The following ASIC2 variants were observed in gnomAD, a reference collection of about 807,000 sequenced individuals.
ASIC2 encodes the protein acid-sensing ion channel 2.
Under a neutral mutation model 57.3 loss-of-function variants are expected in ASIC2, and 25 were observed. That is an observed-to-expected ratio of 0.44 (90% CI 0.32 to 0.61). The LOEUF is 0.61. Among genes scored for constraint, ASIC2 ranks in the 20% least tolerant of loss-of-function variants. ASIC2 has a pLI of 0.06. For missense variants in ASIC2, 641 were observed against 738.1 expected (o/e 0.87, Z 1.52); for synonymous variants, 319 against 307.5 (o/e 1.04, Z -0.39).
intron 1 of ASIC2, among the ~76,000 whole-genome samples, chr17:33,307,143 C>A (rs530888675): frequency 3.3e-5 from 5 of 152,290 alleles, no homozygotes; most frequent in Middle Eastern, 3.4e-3. Context: ...GCTTTCCCAA[C>A]TTAAATCCAC....
intron 1 of ASIC2, among the ~76,000 whole-genome samples, chr17:34,121,774 T>A (rs1911627405): frequency 6.6e-6 from 1 of 152,236 alleles, no homozygotes; most frequent in Admixed American, 6.5e-5. Flanking sequence ...CCCAGCCTAC[T>A]AAAATACTCC....
intron 1 of ASIC2, among the ~76,000 whole-genome samples, chr17:33,492,398 G>C (rs899681229): frequency 6.6e-6 from 1 of 152,192 alleles, no homozygotes; most frequent in African/African-American, 2.4e-5. Context: ...TGAGCTCCAC[G>C]TCATGGAGAT....
intron 1 of ASIC2, among the ~76,000 whole-genome samples, chr17:33,202,017 C>CAAA (rs55724157): frequency 6.5e-5 from 6 of 92,258 alleles, no homozygotes; most frequent in Admixed American, 1.1e-4. Flanking sequence ...GAGACTGTCT[C>CAAA]AAAAAAAAAA....
chr17:33,109,855 G>A (rs1297471733), intron 2 of ASIC2, among the ~76,000 whole-genome samples: 1 of 152,164 alleles, frequency 6.6e-6, no homozygotes, highest in African/African-American at 2.4e-5. Flanking sequence ...GGAAAGAGAA[G>A]GTTGGCCTGG....
At chr17:33,317,602 T>C (rs1906708351) in intron 1 of ASIC2, among the ~76,000 whole-genome samples, 1 of 152,174 alleles carries the variant, frequency 6.6e-6, no homozygotes, top group South Asian at 2.1e-4. Context: ...AGTCGACAGA[T>C]GTTTTTCAAG....
chr17:34,096,115 T>C (rs553327464), intron 1 of ASIC2, among the ~76,000 whole-genome samples: 101 of 152,292 alleles, frequency 6.6e-4, no homozygotes, highest in African/African-American at 1.8e-3. Context: ...CCAGTAATGA[T>C]TGTGCCTCGG....
At chr17:33,630,601 G>C (rs2142026674) in intron 1 of ASIC2, among the ~76,000 whole-genome samples, 1 of 152,300 alleles carries the variant, frequency 6.6e-6, no homozygotes, top group Admixed American at 6.5e-5. Context: ...TCAAGGTCAA[G>C]GGTTCCAAAT....
rs1491302267 is a variant in ASIC2 at position 33,187,904 on chromosome 17, TGA to T, written c.709-75839_709-75838del. On this transcript the variant is annotated intron_variant, in intron 1 of 9. Coordinates refer to ENST00000225823, the MANE Select transcript of ASIC2 (RefSeq NM_183377.2). The stretch of plus-strand genomic sequence containing the variant: ...ACAGCCAATCAAAAATGGTCAGGGA[TGA>T]AAAAAAAAAAAAGAAAAAAAGAAAA... Among the ~76,000 whole-genome samples the T allele has an allele frequency of 8.4e-5, 7 of 82,994 alleles. No individual in the cohort carries two copies. The East Asian group carries it at 2.3e-3, about 28-fold the overall frequency. 54.4% of individuals were successfully genotyped at this position (82,994 alleles called of 152,430 possible). A position where few individuals can be genotyped will look rare whatever the true frequency, so the allele number is the denominator to read the frequency against.
At chr17:33,028,693 A>T (rs914914244) in intron 3 of ASIC2, among the ~76,000 whole-genome samples, 1 of 151,938 alleles carries the variant, frequency 6.6e-6, no homozygotes, top group Admixed American at 6.6e-5. Context: ...ACCCTAACTT[A>T]TCTTTTATAA....
intron 1 of ASIC2, among the ~76,000 whole-genome samples, chr17:33,994,295 G>T (rs904375706): frequency 6.6e-6 from 1 of 152,174 alleles, no homozygotes; most frequent in Admixed American, 6.5e-5. Flanking sequence ...ATCACCAATG[G>T]ATTAGGCACA....
At chr17:33,605,759 CCTT>C (rs1339708279) in intron 1 of ASIC2, among the ~76,000 whole-genome samples, 1 of 152,182 alleles carries the variant, frequency 6.6e-6, no homozygotes, top group Non-Finnish European at 1.5e-5. Flanking sequence ...CCGCTGCAAA[CCTT>C]AGACACAGCA....
intron 1 of ASIC2, among the ~76,000 whole-genome samples, chr17:33,722,356 C>T (rs1484481183): frequency 6.6e-6 from 1 of 152,194 alleles, no homozygotes; most frequent in Non-Finnish European, 1.5e-5. Context: ...TTATAAATTA[C>T]CCAGTCTCAG....
At chr17:34,141,564 A>G (rs11868658) in intron 1 of ASIC2, among the ~76,000 whole-genome samples, 2,768 of 152,236 alleles carry the variant, frequency 0.018, 89 homozygotes, top group African/African-American at 0.063. Flanking sequence ...TAGACTGGGT[A>G]TTATTCTTTT....
chr17:33,941,576 G>T (rs900695912), intron 1 of ASIC2, among the ~76,000 whole-genome samples: 1 of 152,234 alleles, frequency 6.6e-6, no homozygotes, highest in Non-Finnish European at 1.5e-5. Flanking sequence ...AGTAGATAGA[G>T]GGAGCTGGGG....
intron 1 of ASIC2, among the ~76,000 whole-genome samples, chr17:33,513,459 T>G (rs1914483881): frequency 6.6e-6 from 1 of 152,262 alleles, no homozygotes; most frequent in South Asian, 2.1e-4. Context: ...ATTTCTTCTT[T>G]GAGCCAAGAA....
At chr17:33,174,221 A>C (rs1414927057) in intron 1 of ASIC2, among the ~76,000 whole-genome samples, 1 of 152,150 alleles carries the variant, frequency 6.6e-6, no homozygotes, top group Non-Finnish European at 1.5e-5. Context: ...CAGGAGTTTG[A>C]GACTAGCTTG....
intron 1 of ASIC2, among the ~76,000 whole-genome samples, chr17:34,113,830 G>A (rs1443583599): frequency 1.3e-5 from 2 of 152,124 alleles, no homozygotes; most frequent in African/African-American, 4.8e-5. Flanking sequence ...AGCTATGATT[G>A]GGCCACTGCC....
chr17:33,977,036 G>A (rs1484528823), intron 1 of ASIC2, among the ~76,000 whole-genome samples: 3 of 152,028 alleles, frequency 2.0e-5, no homozygotes, highest in African/African-American at 7.3e-5. Context: ...CAGGCAGCTG[G>A]CCCCTGGTAT....
intron 1 of ASIC2, among the ~76,000 whole-genome samples, chr17:33,431,115 T>C (rs1162873186): frequency 6.6e-6 from 1 of 152,094 alleles, no homozygotes; most frequent in Non-Finnish European, 1.5e-5. Flanking sequence ...AGGGGGCAAT[T>C]TGATAACATT....
Sources: gnomAD v4.1 joint callset for allele counts (sites outside exome capture counted in the v4.1 genomes callset) on GRCh38, gnomAD v4.1.1 for gene constraint, MANE v1.5 for transcripts, NCBI Gene and HGNC (gene_info 2026-07-23, HGNC 2026-07-21) for gene names.